POT1: variants seen among roughly 807,000 people sequenced by gnomAD.
POT1 encodes the protein protection of telomeres protein 1.
Under a neutral mutation model 78.5 loss-of-function variants are expected in POT1, and 47 were observed. The observed-to-expected ratio is 0.60, with a 90% CI of 0.47 to 0.76. The LOEUF (loss-of-function observed/expected upper bound fraction) is 0.76. POT1 is among the 30% of genes least tolerant of loss of function. The pLI, the probability that POT1 is intolerant of heterozygous loss-of-function variation, is 0.00. For missense variants in POT1, 646 were observed against 749.9 expected, an observed-to-expected ratio of 0.86 and a Z score of 1.62; for synonymous variants, 259 against 260.7, an observed-to-expected ratio of 0.99 and a Z score of 0.06.
At chr7:124,849,326 A>T (rs1418681847) in intron 11 of POT1, among the ~76,000 whole-genome samples, 1 of 152,226 alleles carries the variant, frequency 6.6e-6, no homozygotes, top group African/African-American at 2.4e-5. Flanking sequence ...TTCAACAGAA[A>T]ATCAGATAAA....
intron 9 of POT1, 182 bp from the exon 10 acceptor site, chr7:124,853,320 A>C (rs1015113826): frequency 9.3e-6 from 5 of 536,102 alleles, no homozygotes; most frequent in African/African-American, 7.6e-5. Flanking sequence ...ACACTACATC[A>C]AAACTAAATA....
intron 7 of POT1, among the ~76,000 whole-genome samples, chr7:124,870,359 T>C (rs1795838038): frequency 6.6e-6 from 1 of 152,092 alleles, no homozygotes; most frequent in East Asian, 1.9e-4. Flanking sequence ...CTACCCTATA[T>C]TAAAGGCTTT....
chr7:124,855,141 C>T (rs1347955282), intron 9 of POT1, among the ~76,000 whole-genome samples: 1 of 103,108 alleles, frequency 9.7e-6, no homozygotes, highest in Non-Finnish European at 1.9e-5. Flanking sequence ...TTTACCCTAT[C>T]AAAAAATACA....
chr7:124,840,735 T>C (rs992392900), intron 14 of POT1: 3 of 319,326 alleles, frequency 9.4e-6, no homozygotes, highest in Admixed American at 9.2e-5. Flanking sequence ...TCCAACAATA[T>C]AGTTAAATGT....
intron 9 of POT1, among the ~76,000 whole-genome samples, chr7:124,854,275 T>G (rs775916778): frequency 1.3e-5 from 2 of 151,892 alleles, no homozygotes; most frequent in African/African-American, 4.8e-5. Flanking sequence ...CTGAAAGTAA[T>G]TTTCTATAAT....
chr7:124,893,848 T>G (rs1796431082), intron 5 of POT1, among the ~76,000 whole-genome samples: 1 of 151,608 alleles, frequency 6.6e-6, no homozygotes, highest in Non-Finnish European at 1.5e-5. Flanking sequence ...GAGACATATT[T>G]GAGCTCAGCT....
At position 124,832,875 on chromosome 7, in the gene POT1, A is replaced by G. The variant is rs539010461; in HGVS notation, c.1505+2404T>C. 2.6e-4 allele frequency among the ~76,000 whole-genome samples: 39 copies of G among 152,024 alleles called. No individual in the cohort carries two copies. The South Asian group carries it at 6.6e-3, about 26-fold the overall frequency. The stretch of plus-strand genomic sequence containing the variant: ...AGGTAATTTTTTTGAGACTTCTAGT[A>G]AAAGAAGTAGTAGTATTTCAGAGTT... On this transcript the variant is annotated intron_variant, in intron 15 of 18. Coordinates refer to ENST00000357628, the MANE Select transcript of POT1 (RefSeq NM_015450.3).
At position 124,913,162 on chromosome 7, in the gene POT1, C is replaced by T. The variant is rs76075812; in HGVS notation, c.-154+2412G>A. Among the ~76,000 whole-genome samples, 5 of 152,294 alleles carry T rather than the reference C, an allele frequency of 3.3e-5. No individual in the cohort carries two copies. In the East Asian group the frequency reaches 9.7e-4, roughly 29 times the overall value. ...AGACCCGCCTCCATAATTCAATCAC[C>T]TCCCACCAGGTTCCTCCCATGACAC... On this transcript the variant is annotated intron_variant, in intron 3 of 18. Coordinates refer to ENST00000357628, the MANE Select transcript of POT1 (RefSeq NM_015450.3).
At chr7:124,924,169 A>C (rs1294082877) in intron 2 of POT1, among the ~76,000 whole-genome samples, 1 of 150,040 alleles carries the variant, frequency 6.7e-6, no homozygotes, top group Non-Finnish European at 1.5e-5. Context: ...AAAAAAAAAA[A>C]CCCAAAGGAT....
chr7:124,897,288 A>G, intron 4 of POT1, 76 bp from the exon 5 acceptor site: 1 of 500,700 alleles, frequency 2.0e-6, no homozygotes, highest in Non-Finnish European at 3.5e-6. Context: ...GTTGTAGTAA[A>G]AGTACACACT....
chr7:124,847,156 A>G (rs1357307138), intron 11 of POT1, among the ~76,000 whole-genome samples, 158 bp from the exon 12 acceptor site: 3 of 152,366 alleles, frequency 2.0e-5, no homozygotes, highest in Non-Finnish European at 4.4e-5. Flanking sequence ...TAAGATATCA[A>G]TTCTCTCCAA....
At chr7:124,854,108 T>TTCTTTATCTGAAATACTTGAAAACAGAAA (rs1795384214) in intron 9 of POT1, among the ~76,000 whole-genome samples, 2 of 151,988 alleles carry the variant, frequency 1.3e-5, no homozygotes, top group African/African-American at 4.8e-5. Flanking sequence ...AGGTTAAATA[T>TTCTTTATCTGAAATACTTGAAAACAGAAA]TCTTTATCTG....
At chr7:124,929,070 T>C (rs1206993630) in intron 1 of POT1, 71 bp from the exon 2 acceptor site, 1 of 152,480 alleles carries the variant, frequency 6.6e-6, no homozygotes, top group Non-Finnish European at 1.5e-5. Flanking sequence ...TTGACTTAGT[T>C]ATGCTTTTCC....
At chr7:124,881,282 C>T (rs1301106986) in intron 6 of POT1, among the ~76,000 whole-genome samples, 4 of 151,916 alleles carry the variant, frequency 2.6e-5, no homozygotes, top group Admixed American at 1.3e-4. Flanking sequence ...TTAAGTGCCA[C>T]GTATCAGGTT....
chr7:124,885,470 T>C (rs1229823116), intron 6 of POT1, among the ~76,000 whole-genome samples: 1 of 151,312 alleles, frequency 6.6e-6, no homozygotes, highest in Non-Finnish European at 1.5e-5. Context: ...AGACCCTGTC[T>C]CTCTTAAAAA....
intron 6 of POT1, among the ~76,000 whole-genome samples, chr7:124,890,416 A>G (rs1796342687): frequency 6.6e-6 from 1 of 152,016 alleles, no homozygotes; most frequent in South Asian, 2.1e-4. Flanking sequence ...AGAATATTCC[A>G]TAAACTTAGT....
intron 2 of POT1, among the ~76,000 whole-genome samples, chr7:124,918,272 ACTAG>A (rs1453150754): frequency 2.6e-5 from 4 of 152,202 alleles, no homozygotes; most frequent in African/African-American, 9.6e-5. Context: ...TTAGGAGACT[ACTAG>A]CTAACTAATA....
At chr7:124,851,690 T>A in intron 11 of POT1, 182 bp downstream of exon 11, 1 of 587,192 alleles carries the variant, frequency 1.7e-6, no homozygotes. Flanking sequence ...CGTAATTATA[T>A]AATTTAGGAA....
intron 7 of POT1, among the ~76,000 whole-genome samples, chr7:124,870,478 T>A (rs1209198660): frequency 2.0e-5 from 3 of 152,160 alleles, no homozygotes; most frequent in African/African-American, 7.2e-5. Context: ...AGTATCTCAA[T>A]GTTTTCATTG....
Sources: allele counts gnomAD v4.1 joint callset (sites outside exome capture counted in the v4.1 genomes callset), GRCh38; gene constraint gnomAD v4.1.1; transcripts MANE v1.5; gene names NCBI Gene and HGNC (gene_info 2026-07-23, HGNC 2026-07-21).